The following DIP2C variants were observed in gnomAD, a reference collection of about 807,000 sequenced individuals.
DIP2C encodes the protein DIP2 acetate--CoA ligase C (putative).
Under a neutral mutation model 192.4 loss-of-function variants are expected in DIP2C, and 33 were observed. The observed-to-expected ratio is 0.17, with a 90% CI of 0.13 to 0.23. DIP2C has a LOEUF of 0.23. DIP2C is among the 10% of genes least tolerant of loss of function. The probability of loss-of-function intolerance (pLI) is 1.00; values close to 1 mark genes in which losing one functional copy is unlikely to be tolerated. For missense variants in DIP2C, 1,537 were observed against 2,110.1 expected (o/e 0.73, Z 5.32); for synonymous variants, 979 against 864.1 (o/e 1.13, Z -2.33).
chr10:284,469 G>A (rs1954994732), intron 34 of DIP2C, among the ~76,000 whole-genome samples: 1 of 152,224 alleles, frequency 6.6e-6, no homozygotes, highest in Non-Finnish European at 1.5e-5. Context: ...GTACCTGGAA[G>A]ACGTTGTGCT....
intron 3 of DIP2C, among the ~76,000 whole-genome samples, chr10:465,722 C>G (rs1970142342): frequency 6.6e-6 from 1 of 151,834 alleles, no homozygotes; most frequent in African/African-American, 2.4e-5. Context: ...ACAAAAATCA[C>G]AAGCATTCTT....
chr10:629,616 T>C (rs1038756368), intron 1 of DIP2C, among the ~76,000 whole-genome samples: 2 of 151,058 alleles, frequency 1.3e-5, no homozygotes, highest in Admixed American at 1.3e-4. Context: ...GGAAGGAAGC[T>C]CAAGCTGTCA....
chr10:486,377 AG>A, intron 2 of DIP2C, 81 bp downstream of exon 2: 2 of 1,314,492 alleles, frequency 1.5e-6, no homozygotes, highest in Non-Finnish European at 1.0e-6. Context: ...GAAGCAAGGG[AG>A]CGTCTGCCTC....
At chr10:573,002 G>C (rs572305386) in intron 1 of DIP2C, among the ~76,000 whole-genome samples, 1 of 152,182 alleles carries the variant, frequency 6.6e-6, no homozygotes, top group Admixed American at 6.5e-5. Flanking sequence ...GACTGAGGCA[G>C]TAAATAAACA....
chr10:477,809 G>A (rs1458378287), intron 2 of DIP2C, among the ~76,000 whole-genome samples: 12 of 127,498 alleles, frequency 9.4e-5, no homozygotes, highest in African/African-American at 4.0e-4. Context: ...GAAGGAAAGA[G>A]AAGGAAAACA....
intron 2 of DIP2C, among the ~76,000 whole-genome samples, chr10:480,770 T>C (rs942733031): frequency 6.6e-6 from 1 of 152,214 alleles, no homozygotes. Context: ...CAGCTCCCTG[T>C]GGCAGAACAC....
chr10:682,292 C>T (rs1831163579), intron 1 of DIP2C, among the ~76,000 whole-genome samples: 1 of 152,182 alleles, frequency 6.6e-6, no homozygotes, highest in Non-Finnish European at 1.5e-5. Flanking sequence ...AGGGGAGCCC[C>T]AAGTGCTCAA....
At position 274,920 on chromosome 10, in the gene DIP2C, CTTT is replaced by C. The variant is rs1463286160; in HGVS notation, c.*2402_*2404del. Reference sequence around the variant, plus strand: ...CAATTTTGAATACAGAATGACCCTTCTTTATTGCTGAAACTGGTGGTACTAAGT... The same window carrying C: ...CAATTTTGAATACAGAATGACCCTTCATTGCTGAAACTGGTGGTACTAAGT... On this transcript the variant is annotated 3_prime_UTR_variant, in exon 37 of 37. Coordinates refer to ENST00000280886, the MANE Select transcript of DIP2C (RefSeq NM_014974.3). 6.6e-6 allele frequency: 1 copy of C among 152,216 alleles called. No individual in the cohort carries two copies. Among genetic ancestry groups the C allele is most frequent in the Admixed American group, 6.5e-5 (1 of 15,284 alleles). 9.4% of individuals were successfully genotyped at this position (152,216 alleles called of 1,614,324 possible).
At chr10:565,812 G>A (rs1035051611) in intron 1 of DIP2C, among the ~76,000 whole-genome samples, 1 of 152,220 alleles carries the variant, frequency 6.6e-6, no homozygotes, top group African/African-American at 2.4e-5. Flanking sequence ...TCAGGCTGGC[G>A]CCCTTCTCCG....
At chr10:480,840 A>C (rs1461610568) in intron 2 of DIP2C, among the ~76,000 whole-genome samples, 3 of 152,236 alleles carry the variant, frequency 2.0e-5, no homozygotes, top group African/African-American at 7.2e-5. Context: ...GCTGATCTGG[A>C]ACACAGGTGA....
chr10:450,879 A>G lies in DIP2C; in HGVS notation c.269-9883T>C, dbSNP rs367656695. 3.9e-5 allele frequency among the ~76,000 whole-genome samples: 6 copies of G among 152,342 alleles called. No homozygotes were observed. In the East Asian group the frequency reaches 1.2e-3, roughly 29 times the overall value. On this transcript the variant is annotated intron_variant, in intron 3 of 36. Coordinates refer to ENST00000280886, the MANE Select transcript of DIP2C (RefSeq NM_014974.3). ...AAAAAGACGAAGGAAATAGCACAAA[A>G]GCCAGGTTGGTTCTGTCACTTACAC... is the stretch of plus-strand genomic sequence containing the variant.
intron 3 of DIP2C, among the ~76,000 whole-genome samples, chr10:450,497 G>C (rs1224269846): frequency 2.6e-5 from 4 of 152,196 alleles, no homozygotes; most frequent in African/African-American, 4.8e-5. Flanking sequence ...TCACTTGGCT[G>C]CAACACACAA....
In DIP2C at chr10:363,432, A is replaced by C; in HGVS notation, c.2478-121T>G. The C allele has an allele frequency of 1.3e-6, 1 of 786,186 alleles. No individual in the cohort carries two copies. The highest frequency in any genetic ancestry group is 2.1e-6 in the Non-Finnish European group (1 of 484,952). The allele number at this position is 786,186 out of a possible 1,614,324, so 48.7% of individuals were successfully genotyped here. A position where few individuals can be genotyped will look rare whatever the true frequency, so the allele number is the denominator to read the frequency against. On this transcript the variant is annotated intron_variant, in intron 20 of 36. Coordinates refer to ENST00000280886, the MANE Select transcript of DIP2C (RefSeq NM_014974.3). The surrounding 1 kb of genome is among the most constrained non-coding windows in gnomAD (Gnocchi z 5.4). ...ACACAGCTCCAACTACGACTTCAAA[A>C]CGGCCGCTGTACTTCCGAATTTCCC...
At chr10:650,485 T>C in intron 1 of DIP2C, 1 of 702,768 alleles carries the variant, frequency 1.4e-6, no homozygotes, top group South Asian at 1.5e-5. Context: ...CCACGGCCAC[T>C]TCTACTGGGT....
chr10:423,448 T>A (rs1966347054), intron 4 of DIP2C, among the ~76,000 whole-genome samples: 1 of 152,246 alleles, frequency 6.6e-6, no homozygotes, highest in African/African-American at 2.4e-5. Flanking sequence ...TTGTTAGTCC[T>A]GAGATGTTCT....
chr10:291,535 T>C (rs1955498214), intron 32 of DIP2C, among the ~76,000 whole-genome samples: 1 of 152,230 alleles, frequency 6.6e-6, no homozygotes, highest in Non-Finnish European at 1.5e-5. Flanking sequence ...GGAGATATAT[T>C]TGTAACATAC....
At chr10:558,226 T>A (rs541600032) in intron 1 of DIP2C, among the ~76,000 whole-genome samples, 1 of 152,214 alleles carries the variant, frequency 6.6e-6, no homozygotes, top group African/African-American at 2.4e-5. Context: ...CCCAGTGAGG[T>A]AGGAATCCTT....
chr10:552,140 G>A (rs1373257308), intron 1 of DIP2C, among the ~76,000 whole-genome samples: 1 of 152,242 alleles, frequency 6.6e-6, no homozygotes, highest in Non-Finnish European at 1.5e-5. Context: ...GACGGAGGCT[G>A]TCGATGGCAG....
chr10:413,769 G>A, intron 8 of DIP2C, 144 bp downstream of exon 8: 2 of 992,192 alleles, frequency 2.0e-6, no homozygotes, highest in Non-Finnish European at 2.9e-6. Context: ...TTCGGGAGTG[G>A]CTGCGCGAGG....
Sources: gnomAD v4.1 joint callset for allele counts (sites outside exome capture counted in the v4.1 genomes callset) on GRCh38, gnomAD v4.1.1 for gene constraint, Gnocchi (gnomAD v3.1) non-coding constraint, MANE v1.5 for transcripts, NCBI Gene and HGNC (gene_info 2026-07-23, HGNC 2026-07-21) for gene names.